The following SLC26A7 variants were observed in gnomAD, a reference collection of about 807,000 sequenced individuals.
SLC26A7 encodes anion exchange transporter.
SLC26A7 carries 59 observed loss-of-function variants against 82.5 expected under a neutral mutation model. The observed-to-expected ratio is 0.72, with a 90% CI of 0.58 to 0.89. SLC26A7 has a LOEUF of 0.89. Among genes scored for constraint, SLC26A7 ranks in the 40% least tolerant of loss-of-function variants. SLC26A7 has a pLI of 0.00. For missense variants in SLC26A7, 820 were observed against 793.0 expected, an observed-to-expected ratio of 1.03 and a Z score of -0.41; for synonymous variants, 271 against 274.3, an observed-to-expected ratio of 0.99 and a Z score of 0.12.
intron 13 of SLC26A7, among the ~76,000 whole-genome samples, chr8:91,365,184 A>G (rs1466001538): frequency 2.0e-5 from 3 of 150,660 alleles, no homozygotes; most frequent in African/African-American, 7.3e-5. Context: ...TATTAACTTA[A>G]AACAACACAT....
At chr8:91,214,267 T>G (rs530812982) in intron 1 of SLC26A7, among the ~76,000 whole-genome samples, 1 of 152,268 alleles carries the variant, frequency 6.6e-6, no homozygotes, top group East Asian at 1.9e-4. Flanking sequence ...GGGAGCTGGT[T>G]TGGGAGGCAA....
chr8:91,301,336 A>G (rs981889882), intron 4 of SLC26A7, among the ~76,000 whole-genome samples: 1 of 152,100 alleles, frequency 6.6e-6, no homozygotes, highest in Non-Finnish European at 1.5e-5. Context: ...TCTTTAAAAT[A>G]ATGTTGCCTG....
At chr8:91,394,959 C>T (rs1808529230) in intron 18 of SLC26A7, 103 bp from the exon 19 acceptor site, 1 of 1,352,816 alleles carries the variant, frequency 7.4e-7, no homozygotes. Context: ...TTTTCTTTGG[C>T]TTAGCTGGAC....
chr8:91,252,804 G>A (rs1586323365), intron 2 of SLC26A7, among the ~76,000 whole-genome samples: 1 of 152,186 alleles, frequency 6.6e-6, no homozygotes, highest in African/African-American at 2.4e-5. Context: ...TTGGCCAAGG[G>A]AAAATGAGCA....
intron 2 of SLC26A7, among the ~76,000 whole-genome samples, chr8:91,223,334 A>G (rs147070594): frequency 2.2e-4 from 34 of 151,694 alleles, no homozygotes; most frequent in Non-Finnish European, 8.8e-5. Context: ...AATTCCTTCA[A>G]TTCTGCTCTG....
At position 91,351,813 on chromosome 8, in the gene SLC26A7, G is replaced by A. The variant is rs756819522; in HGVS notation, c.1144G>A (p.Ala382Thr). The A allele has an allele frequency of 6.2e-7, 1 of 1,608,020 alleles. No individual in the cohort carries two copies. Among genetic ancestry groups the A allele is most frequent in the Non-Finnish European group, 8.5e-7 (1 of 1,175,528 alleles). The change falls in exon 10 of 19, where the codon GCT becomes ACT. Residue 382 changes from alanine (A) to threonine (T), a missense_variant. Coordinates refer to ENST00000276609, the MANE Select transcript of SLC26A7 (RefSeq NM_052832.4). Reference protein sequence around the residue: ...LYSTGAKTQVACLISCIFVLI... With the variant: ...LYSTGAKTQVTCLISCIFVLI... ...TTGTCTGTCTTGTATTTTACAGGTG[G>A]CTTGTCTAATATCTTGCATTTTCGT...
At chr8:91,384,000 C>G (rs889773746) in intron 15 of SLC26A7, among the ~76,000 whole-genome samples, 1 of 152,146 alleles carries the variant, frequency 6.6e-6, no homozygotes, top group Non-Finnish European at 1.5e-5. Context: ...AACAAGTTCC[C>G]ACCCTTATTA....
At chr8:91,249,924 A>C in intron 2 of SLC26A7, 80 bp downstream of exon 2, 2 of 1,098,784 alleles carry the variant, frequency 1.8e-6, no homozygotes, top group Non-Finnish European at 2.5e-6. Flanking sequence ...TATGACCTAG[A>C]ATAAACAATT....
chr8:91,355,247 C>A (rs1813830559), intron 11 of SLC26A7, among the ~76,000 whole-genome samples: 1 of 152,096 alleles, frequency 6.6e-6, no homozygotes, highest in Non-Finnish European at 1.5e-5. Flanking sequence ...GTACTATTAT[C>A]AGAATATCAC....
At chr8:91,394,228 A>C (rs979914737) in intron 18 of SLC26A7, 189 bp downstream of exon 18, 18 of 1,613,390 alleles carry the variant, frequency 1.1e-5, no homozygotes, top group Non-Finnish European at 1.4e-5. Flanking sequence ...GCCAGTTATA[A>C]ACTGTTGTTT....
chr8:91,375,732 G>A (rs1416656056), intron 15 of SLC26A7, among the ~76,000 whole-genome samples: 1 of 150,172 alleles, frequency 6.7e-6, no homozygotes, highest in Admixed American at 6.6e-5. Context: ...TTCTTCTACA[G>A]TATCTCACAT....
At chr8:91,351,927 C>T (rs200658431) in intron 10 of SLC26A7, 40 bp downstream of exon 10, 377 of 1,405,460 alleles carry the variant, frequency 2.7e-4, no homozygotes, top group Non-Finnish European at 3.7e-4. Flanking sequence ...TTTAATTTAA[C>T]TTTTCATGAG....
chr8:91,271,283 AT>A (rs1425331418), intron 2 of SLC26A7, among the ~76,000 whole-genome samples: 1 of 152,110 alleles, frequency 6.6e-6, no homozygotes, highest in Non-Finnish European at 1.5e-5. Flanking sequence ...TCAATTGTTT[AT>A]TGTTGTATGC....
At chr8:91,326,446 T>C (rs997841549) in intron 5 of SLC26A7, among the ~76,000 whole-genome samples, 2 of 152,146 alleles carry the variant, frequency 1.3e-5, no homozygotes, top group African/African-American at 4.8e-5. Flanking sequence ...GTGGAACCCC[T>C]GTGCATGCAC....
At chr8:91,253,785 C>G (rs999211531) in intron 2 of SLC26A7, among the ~76,000 whole-genome samples, 1 of 152,030 alleles carries the variant, frequency 6.6e-6, no homozygotes, top group African/African-American at 2.4e-5. Flanking sequence ...TGCTACAACT[C>G]TTTCCACACT....
chr8:91,215,952 T>C (rs1563630443), intron 1 of SLC26A7, among the ~76,000 whole-genome samples: 1 of 152,104 alleles, frequency 6.6e-6, no homozygotes, highest in Non-Finnish European at 1.5e-5. Flanking sequence ...AGTGTTAAGG[T>C]GGTACGAGAA....
intron 15 of SLC26A7, among the ~76,000 whole-genome samples, chr8:91,387,158 TAGA>T (rs1487809341): frequency 2.6e-5 from 4 of 152,194 alleles, no homozygotes; most frequent in African/African-American, 4.8e-5. Context: ...CACTGTTGAT[TAGA>T]AGAAGTACTC....
At chr8:91,333,928 C>T (rs1440398064) in intron 5 of SLC26A7, among the ~76,000 whole-genome samples, 1 of 152,008 alleles carries the variant, frequency 6.6e-6, no homozygotes, top group Non-Finnish European at 1.5e-5. Context: ...GAGGAGGGCC[C>T]CAAAGTTGGG....
At chr8:91,262,441 C>G (rs979117449) in intron 2 of SLC26A7, among the ~76,000 whole-genome samples, 2 of 151,874 alleles carry the variant, frequency 1.3e-5, no homozygotes, top group African/African-American at 4.8e-5. Context: ...AATTTTCTAC[C>G]CAGCGTCTGA....
Sources: gnomAD v4.1 joint callset for allele counts (sites outside exome capture counted in the v4.1 genomes callset) on GRCh38, gnomAD v4.1.1 for gene constraint, MANE v1.5 for transcripts, NCBI Gene and HGNC (gene_info 2026-07-23, HGNC 2026-07-21) for gene names.